Variants in RAPGEF1 observed in about 807,000 individuals in gnomAD.
RAPGEF1 encodes Rap guanine nucleotide exchange factor 1.
A neutral mutation model predicts 143.3 loss-of-function variants in RAPGEF1; 33 were observed. The observed-to-expected ratio is 0.23, with a 90% CI of 0.17 to 0.31. RAPGEF1 has a LOEUF of 0.31. Among genes scored for constraint, RAPGEF1 ranks in the 10% least tolerant of loss-of-function variants. RAPGEF1 has a pLI of 1.00. For synonymous variants in RAPGEF1, 629 were observed against 676.5 expected (o/e 0.93, Z 1.09); for missense variants, 1,199 against 1,645.4 (o/e 0.73, Z 4.69).
intron 12 of RAPGEF1, among the ~76,000 whole-genome samples, chr9:131,609,013 T>C (rs1957571462): frequency 6.6e-6 from 1 of 152,186 alleles, no homozygotes. Context: ...GGAACTTTTA[T>C]TTATAGCCAG....
intron 13 of RAPGEF1, among the ~76,000 whole-genome samples, chr9:131,604,308 C>T (rs1041682687): frequency 6.6e-6 from 1 of 152,186 alleles, no homozygotes; most frequent in Non-Finnish European, 1.5e-5. Context: ...CCCAGTGTGG[C>T]GGGAAACGAT....
chr9:131,731,635 T>G (rs1837082200), intron 1 of RAPGEF1, among the ~76,000 whole-genome samples: 1 of 152,230 alleles, frequency 6.6e-6, no homozygotes. Context: ...TCCACATCAG[T>G]GGCACAAATT....
chr9:131,653,376 T>C (rs1466671693), intron 1 of RAPGEF1, among the ~76,000 whole-genome samples: 2 of 152,258 alleles, frequency 1.3e-5, no homozygotes, highest in African/African-American at 4.8e-5. Context: ...CAGCAGAGGC[T>C]GCAGAACCCA....
At chr9:131,739,634 C>A (rs1175386352) in intron 1 of RAPGEF1, 136 bp downstream of exon 1, 3 of 588,326 alleles carry the variant, frequency 5.1e-6, no homozygotes, top group African/African-American at 2.0e-5. Flanking sequence ...GGCGCCCCGG[C>A]GAGGCCTCGG....
intron 9 of RAPGEF1, among the ~76,000 whole-genome samples, chr9:131,627,003 A>AGATCAG (rs1963330893): frequency 6.6e-6 from 1 of 151,608 alleles, no homozygotes; most frequent in African/African-American, 2.4e-5. Context: ...CAGATCACCT[A>AGATCAG]GAGTTCAAGA....
intron 1 of RAPGEF1, among the ~76,000 whole-genome samples, chr9:131,729,369 C>CT (rs1449821924): frequency 1.3e-5 from 2 of 152,176 alleles, no homozygotes; most frequent in African/African-American, 4.8e-5. Context: ...GGTGGAACTA[C>CT]TTTAACTCGT....
At chr9:131,671,137 T>C (rs1243136972) in intron 1 of RAPGEF1, among the ~76,000 whole-genome samples, 1 of 152,230 alleles carries the variant, frequency 6.6e-6, no homozygotes, top group African/African-American at 2.4e-5. Context: ...TGCTTTACTC[T>C]AGAATCCTCA....
chr9:131,732,700 A>G (rs2131344524), intron 1 of RAPGEF1, among the ~76,000 whole-genome samples: 1 of 152,378 alleles, frequency 6.6e-6, no homozygotes, highest in East Asian at 1.9e-4. Flanking sequence ...TGGCAATTTG[A>G]AACCACAATA....
intron 1 of RAPGEF1, among the ~76,000 whole-genome samples, chr9:131,699,880 C>G (rs1197752343): frequency 6.6e-6 from 1 of 152,144 alleles, no homozygotes; most frequent in East Asian, 1.9e-4. Flanking sequence ...TAAACACCAT[C>G]TTTATGTCAA....
chr9:131,691,713 A>T (rs1352756726), intron 1 of RAPGEF1, among the ~76,000 whole-genome samples: 2 of 152,330 alleles, frequency 1.3e-5, no homozygotes, highest in East Asian at 3.9e-4. Flanking sequence ...ACATTTCCAG[A>T]ACTCTAATAA....
At chr9:131,701,793 C>T (rs1348189853) in intron 1 of RAPGEF1, among the ~76,000 whole-genome samples, 1 of 152,228 alleles carries the variant, frequency 6.6e-6, no homozygotes, top group African/African-American at 2.4e-5. Context: ...AGACAAGTTA[C>T]TTCACTTCTA....
chr9:131,628,027 G>T lies in RAPGEF1; in HGVS notation c.1087C>A (p.Pro363Thr), dbSNP rs1321690179. 8 of 1,566,738 alleles carry T rather than the reference G, an allele frequency of 5.1e-6. No individual in the cohort carries two copies. In the Admixed American group the frequency reaches 9.4e-5, roughly 18 times the overall value. Residue 363 changes from proline to threonine, a missense_variant, in exon 9 of 27, where the codon CCC becomes ACC. Pro to Thr is a conservative substitution (Grantham distance 38, BLOSUM62 -1). This residue lies in a region of RAPGEF1 where 613 missense variants were observed against 710.9 expected (regional missense o/e 0.86). Coordinates refer to ENST00000683357, the MANE Select transcript of RAPGEF1 (RefSeq NM_001377935.1). The surrounding 1 kb of genome is among the most constrained non-coding windows in gnomAD (Gnocchi z 5.7). ...ATGCTGCTGCAGGGGGAGAGGCGGGGCGACTCTCCACCATATGAGTGGCTG... is the reference window on the plus strand; with the variant it reads ...ATGCTGCTGCAGGGGGAGAGGCGGGTCGACTCTCCACCATATGAGTGGCTG... ...GGSHSYGGES[P>T]RLSPCSSIGK...
chr9:131,699,886 G>A (rs568554435), intron 1 of RAPGEF1, among the ~76,000 whole-genome samples: 4 of 152,128 alleles, frequency 2.6e-5, no homozygotes, highest in South Asian at 4.2e-4. Context: ...CCATCTTTAT[G>A]TCAACAACTC....
chr9:131,720,519 A>C (rs1353096950), intron 1 of RAPGEF1, among the ~76,000 whole-genome samples: 1 of 152,118 alleles, frequency 6.6e-6, no homozygotes, highest in Non-Finnish European at 1.5e-5. Flanking sequence ...AGAGCCCAGA[A>C]ACCTCCAGGT....
intron 1 of RAPGEF1, among the ~76,000 whole-genome samples, chr9:131,730,716 A>AAAAAAAAG (rs1564212126): frequency 8.2e-6 from 1 of 121,776 alleles, no homozygotes; most frequent in Non-Finnish European, 1.8e-5. Context: ...AAAAAAAAAA[A>AAAAAAAAG]AAGAAGAAGA....
chr9:131,609,267 TAC>T (rs1957624065), intron 12 of RAPGEF1, among the ~76,000 whole-genome samples: 1 of 152,174 alleles, frequency 6.6e-6, no homozygotes, highest in African/African-American at 2.4e-5. Flanking sequence ...TCAATTAACG[TAC>T]ACACAGTGCC....
At chr9:131,593,831 G>T (rs929241282) in intron 17 of RAPGEF1, among the ~76,000 whole-genome samples, 1 of 152,242 alleles carries the variant, frequency 6.6e-6, no homozygotes, top group Non-Finnish European at 1.5e-5. Flanking sequence ...AGAGTTTGGG[G>T]AAGGAAGCAG....
intron 1 of RAPGEF1, among the ~76,000 whole-genome samples, chr9:131,728,912 T>C (rs537250897): frequency 1.3e-5 from 2 of 152,340 alleles, no homozygotes; most frequent in South Asian, 2.1e-4. Context: ...AGGTAGGTAC[T>C]GTTAGGATTT....
chr9:131,727,005 T>G (rs1836722495), intron 1 of RAPGEF1, among the ~76,000 whole-genome samples: 1 of 151,862 alleles, frequency 6.6e-6, no homozygotes, highest in Admixed American at 6.6e-5. Context: ...CCATCACAAA[T>G]GAAAAACAAA....
Sources: gnomAD v4.1 joint callset for allele counts (sites outside exome capture counted in the v4.1 genomes callset) on GRCh38, gnomAD v4.1.1 for gene constraint, gnomAD v4.1.1 regional missense constraint, Gnocchi (gnomAD v3.1) non-coding constraint, MANE v1.5 for transcripts, NCBI Gene and HGNC (gene_info 2026-07-23, HGNC 2026-07-21) for gene names.